CEP70: variants seen among roughly 807,000 people sequenced by gnomAD.
CEP70 encodes the protein centrosomal protein 70, also known as centrosomal protein of 70 kDa.
A neutral mutation model predicts 90.9 loss-of-function variants in CEP70; 70 were observed. The observed-to-expected ratio is 0.77, with a 90% CI of 0.64 to 0.94. The LOEUF is 0.94. Ranked by LOEUF, CEP70 falls within the 40% of genes least tolerant of loss-of-function variation. The pLI, the probability that CEP70 is intolerant of heterozygous loss-of-function variation, is 0.00. For missense variants in CEP70, 648 were observed against 669.0 expected (o/e 0.97, Z 0.35); for synonymous variants, 220 against 228.3 (o/e 0.96, Z 0.33).
At chr3:138,568,124 A>G (rs1226244516) in intron 6 of CEP70, among the ~76,000 whole-genome samples, 2 of 151,994 alleles carry the variant, frequency 1.3e-5, no homozygotes, top group Admixed American at 1.3e-4. Context: ...CCTCAATCAT[A>G]TTTGCCTTTC....
intron 11 of CEP70, among the ~76,000 whole-genome samples, chr3:138,525,106 C>T (rs369443543): frequency 6.6e-6 from 1 of 152,108 alleles, no homozygotes; most frequent in Non-Finnish European, 1.5e-5. Context: ...GAGTTCATGT[C>T]CTTTGTAGGG....
intron 11 of CEP70, among the ~76,000 whole-genome samples, chr3:138,515,754 CAT>C (rs1431834594): frequency 3.9e-5 from 6 of 152,120 alleles, no homozygotes; most frequent in Admixed American, 2.6e-4. Context: ...AGTGCATACA[CAT>C]GTGTACGTGT....
chr3:138,532,744 TA>T (rs1237589173), intron 7 of CEP70, among the ~76,000 whole-genome samples, 174 bp from the exon 8 acceptor site: 1 of 152,236 alleles, frequency 6.6e-6, no homozygotes, highest in African/African-American at 2.4e-5. Context: ...AGTCATATGT[TA>T]TATTAATTTC....
intron 6 of CEP70, among the ~76,000 whole-genome samples, chr3:138,559,400 C>A (rs2040237536): frequency 6.6e-6 from 1 of 152,132 alleles, no homozygotes; most frequent in South Asian, 2.1e-4. Context: ...GAAGATAAAT[C>A]AAAAGAAAAC....
At chr3:138,553,261 C>T (rs1176270240) in intron 6 of CEP70, among the ~76,000 whole-genome samples, 6 of 151,932 alleles carry the variant, frequency 3.9e-5, no homozygotes, top group African/African-American at 9.7e-5. Flanking sequence ...GGGTGGATCA[C>T]GAGGTCAGGA....
chr3:138,510,883 C>T (rs9827256), intron 11 of CEP70, among the ~76,000 whole-genome samples: 57,287 of 132,294 alleles, frequency 0.43, 12,281 homozygotes, highest in Middle Eastern at 0.47. Flanking sequence ...TTTTTTGAGA[C>T]GGAGTCTCGC....
intron 6 of CEP70, among the ~76,000 whole-genome samples, chr3:138,569,632 C>A (rs754711775): frequency 3.3e-5 from 5 of 152,164 alleles, no homozygotes; most frequent in Non-Finnish European, 7.3e-5. Context: ...CTTTGGGAGG[C>A]CGAGGCAGGC....
Position 138,500,499 on chromosome 3 carries a change from C to A in CEP70, c.1437G>T (p.Val479=). The A allele has an allele frequency of 6.2e-7, 1 of 1,612,570 alleles. No individual in the cohort carries two copies. The highest frequency in any genetic ancestry group is 8.5e-7 in the Non-Finnish European group (1 of 1,179,572). The change falls in exon 15 of 18, where the codon GTG becomes GTT. Residue 479 remains valine, a synonymous_variant. Coordinates refer to ENST00000264982, the MANE Select transcript of CEP70 (RefSeq NM_024491.4). ...GGGGATAGACTCCATTTAAAGAAGG[C>A]ACATCAAATAACTTTTGGAAGTGAG... ...IVSHFQKLFD[V]PSLNGVYPRM...
At position 138,570,424 on chromosome 3, in the gene CEP70, T is replaced by G. The variant is rs143423470; in HGVS notation, c.359A>C (p.Glu120Ala). 14 of 1,610,536 alleles carry G rather than the reference T, an allele frequency of 8.7e-6. No homozygotes were observed. The South Asian group carries it at 1.6e-4, about 18-fold the overall frequency. ...QRANDLEQIMESVKSKIGELE... is the reference protein window; with the variant it reads ...QRANDLEQIMASVKSKIGELE... The stretch of plus-strand genomic sequence containing the variant: ...TTCACCAATTTTGGATTTCACACTT[T>G]CCATAATTTGTTCCAAGTCATTAGC... Residue 120 changes from glutamate to alanine, a missense_variant, in exon 6 of 18, where the codon GAA (glutamate) becomes GCA (alanine). Physicochemically the swap from Glu to Ala is moderately radical, Grantham distance 107. Coordinates refer to ENST00000264982, the MANE Select transcript of CEP70 (RefSeq NM_024491.4).
chr3:138,559,622 G>A (rs965736607), intron 6 of CEP70, among the ~76,000 whole-genome samples: 3 of 152,164 alleles, frequency 2.0e-5, no homozygotes, highest in Non-Finnish European at 4.4e-5. Flanking sequence ...CTACTCAGGT[G>A]ACTGAGGTGG....
At chr3:138,547,568 C>A (rs1019064041) in intron 6 of CEP70, among the ~76,000 whole-genome samples, 3 of 152,148 alleles carry the variant, frequency 2.0e-5, no homozygotes, top group African/African-American at 7.2e-5. Context: ...CTTATTAAGC[C>A]AAGAACTTTC....
At chr3:138,584,157 C>A (rs972543989) in intron 2 of CEP70, among the ~76,000 whole-genome samples, 5 of 151,864 alleles carry the variant, frequency 3.3e-5, no homozygotes, top group African/African-American at 9.7e-5. Flanking sequence ...TACCAATAAA[C>A]TAGAAAATCT....
chr3:138,501,003 CAT>C (rs937819123), intron 13 of CEP70, 122 bp from the exon 14 acceptor site: 42 of 339,074 alleles, frequency 1.2e-4, no homozygotes, highest in African/African-American at 7.5e-4. Flanking sequence ...ATTAATAAAA[CAT>C]AATTACACAG....
intron 6 of CEP70, among the ~76,000 whole-genome samples, chr3:138,556,689 G>A (rs955018043): frequency 3.3e-5 from 5 of 152,008 alleles, no homozygotes; most frequent in Non-Finnish European, 5.9e-5. Flanking sequence ...GAGACATCAC[G>A]TCGGTAGGTT....
intron 6 of CEP70, among the ~76,000 whole-genome samples, chr3:138,568,086 T>C (rs997247172): frequency 6.6e-6 from 1 of 152,120 alleles, no homozygotes; most frequent in African/African-American, 2.4e-5. Context: ...TTGGCACAGA[T>C]AGCCTTCCCC....
chr3:138,559,907 T>C (rs1339091951), intron 6 of CEP70, among the ~76,000 whole-genome samples: 1 of 152,218 alleles, frequency 6.6e-6, no homozygotes, highest in African/African-American at 2.4e-5. Flanking sequence ...TATAATTCTA[T>C]ACCCAGTGAA....
chr3:138,495,945 G>T (rs1202172246), intron 17 of CEP70: 1 of 985,194 alleles, frequency 1.0e-6, no homozygotes, highest in East Asian at 1.1e-4. Context: ...GCCTGGTCCA[G>T]CTTACCAGAT....
intron 2 of CEP70, among the ~76,000 whole-genome samples, chr3:138,575,674 G>A (rs1194715366): frequency 3.3e-5 from 5 of 152,082 alleles, no homozygotes; most frequent in Non-Finnish European, 7.4e-5. Context: ...TTGAAATGAA[G>A]GAAAAAATGT....
chr3:138,496,286 A>G, intron 17 of CEP70: 1 of 985,416 alleles, frequency 1.0e-6, no homozygotes, highest in Non-Finnish European at 1.2e-6. Flanking sequence ...GCCTACACAC[A>G]TAGCCCATGC....
Sources: allele counts gnomAD v4.1 joint callset (sites outside exome capture counted in the v4.1 genomes callset), GRCh38; gene constraint gnomAD v4.1.1; transcripts MANE v1.5; gene names NCBI Gene and HGNC (gene_info 2026-07-23, HGNC 2026-07-21).